The following DCAF8L2 variants were observed in gnomAD, a reference collection of about 807,000 sequenced individuals.
DCAF8L2 encodes DDB1 and CUL4 associated factor 8 like 2, also known as DDB1- and CUL4-associated factor 8-like protein 2.
For synonymous variants in DCAF8L2, 200 were observed against 190.9 expected (o/e 1.05, Z -0.39); for missense variants, 430 against 490.7 (o/e 0.88, Z 1.17).
At chrX:27,581,174 C>T in the DCAF8L2 span, among the ~76,000 whole-genome samples, 2 of 111,971 alleles carry the variant, frequency 1.8e-5, no homozygotes, top group African/African-American at 6.5e-5. Flanking sequence ...CAGTTCTATA[C>T]AGCCATAATT....
At chrX:27,575,302 T>A in the DCAF8L2 span, among the ~76,000 whole-genome samples, 6 of 111,664 alleles carry the variant, frequency 5.4e-5, no homozygotes, top group Non-Finnish European at 7.5e-5. Flanking sequence ...TCTCGATGTC[T>A]GGCCACCTGT....
upstream of DCAF8L2, among the ~76,000 whole-genome samples, chrX:27,588,166 T>G (rs1925949275): frequency 9.2e-6 from 1 of 108,363 alleles, no homozygotes; most frequent in Non-Finnish European, 1.9e-5. Flanking sequence ...CCTTGCTCCC[T>G]CGGTCCCCAG....
chrX:27,607,293 A>G (rs1926952866), intron 1 of DCAF8L2, among the ~76,000 whole-genome samples: 1 of 112,125 alleles, frequency 8.9e-6, no homozygotes, highest in Non-Finnish European at 1.9e-5. Context: ...TGTCTTGGAT[A>G]AAAGCAAACT....
chrX:27,476,485 A>G, the DCAF8L2 span, among the ~76,000 whole-genome samples: 1 of 111,821 alleles, frequency 8.9e-6, no homozygotes, highest in Admixed American at 9.6e-5. Flanking sequence ...TTTCAATTAG[A>G]AAAGGGCATA....
At chrX:27,605,951 A>G (rs890337597) in intron 1 of DCAF8L2, among the ~76,000 whole-genome samples, 1 of 110,158 alleles carries the variant, frequency 9.1e-6, no homozygotes, top group African/African-American at 3.3e-5. Context: ...CTGATTTGGT[A>G]GAATTAACAC....
At chrX:27,516,454 TCACACACACA>T in the DCAF8L2 span, among the ~76,000 whole-genome samples, 11 of 97,451 alleles carry the variant, frequency 1.1e-4, no homozygotes, top group South Asian at 3.1e-3. Flanking sequence ...CATCTCTCTC[TCACACACACA>T]CACACACACA....
chrX:27,650,799 CTGAT>C (rs1462653979), intron 2 of DCAF8L2, among the ~76,000 whole-genome samples: 1 of 111,207 alleles, frequency 9.0e-6, no homozygotes, highest in African/African-American at 3.3e-5. Flanking sequence ...TTTCTCTTGA[CTGAT>C]TGTTCTGTCA....
intron 2 of DCAF8L2, among the ~76,000 whole-genome samples, chrX:27,660,466 G>T (rs1193507105): frequency 8.9e-6 from 1 of 111,752 alleles, no homozygotes; most frequent in Non-Finnish European, 1.9e-5. Flanking sequence ...TTGGCTCTGG[G>T]TTCTAGTGCC....
intron 3 of DCAF8L2, among the ~76,000 whole-genome samples, chrX:27,693,236 A>G (rs1171248469): frequency 4.5e-5 from 5 of 111,416 alleles, no homozygotes; most frequent in Non-Finnish European, 7.5e-5. Context: ...CATCAATAAA[A>G]CTGTGGAGCT....
At chrX:27,644,683 G>A (rs1294513670) in intron 2 of DCAF8L2, among the ~76,000 whole-genome samples, 1 of 112,095 alleles carries the variant, frequency 8.9e-6, no homozygotes, top group Admixed American at 9.5e-5. Flanking sequence ...ATTTAGGGCA[G>A]CTGATTCTAC....
chrX:27,622,411 C>T (rs1927818931), intron 1 of DCAF8L2, among the ~76,000 whole-genome samples: 2 of 108,037 alleles, frequency 1.9e-5, no homozygotes, highest in East Asian at 2.9e-4. Flanking sequence ...GGCGACTGAG[C>T]GAGACTCCAT....
chrX:27,493,188 TTGTGATCA>T, the DCAF8L2 span, among the ~76,000 whole-genome samples: 1 of 111,039 alleles, frequency 9.0e-6, no homozygotes, highest in Non-Finnish European at 1.9e-5. Flanking sequence ...CTGCAGTGAG[TTGTGATCA>T]CACCACTGCA....
intron 2 of DCAF8L2, among the ~76,000 whole-genome samples, chrX:27,669,041 T>A (rs181247943): frequency 9.0e-6 from 1 of 110,668 alleles, no homozygotes; most frequent in East Asian, 2.8e-4. Context: ...TGCACACAGA[T>A]AGTAAAGAGG....
intron 1 of DCAF8L2, among the ~76,000 whole-genome samples, chrX:27,621,958 A>G (rs943742510): frequency 9.1e-5 from 10 of 110,331 alleles, no homozygotes; most frequent in Non-Finnish European, 1.1e-4. Flanking sequence ...GCACCATGCA[A>G]TCCAGCCTGG....
chrX:27,660,832 T>A (rs1253150696), intron 2 of DCAF8L2, among the ~76,000 whole-genome samples: 1 of 112,282 alleles, frequency 8.9e-6, no homozygotes, highest in Non-Finnish European at 1.9e-5. Context: ...GCAGCCTCCC[T>A]GATGTGCCAA....
the DCAF8L2 span, among the ~76,000 whole-genome samples, chrX:27,543,182 C>T: frequency 1.8e-5 from 2 of 112,111 alleles, no homozygotes; most frequent in South Asian, 7.3e-4. Flanking sequence ...AGGAAGGGAT[C>T]AAGTTTCAGT....
At chrX:27,505,848 C>A in the DCAF8L2 span, among the ~76,000 whole-genome samples, 4 of 112,006 alleles carry the variant, frequency 3.6e-5, no homozygotes, top group African/African-American at 1.3e-4. Flanking sequence ...GTCAGGGAAA[C>A]AATAATTGTG....
chrX:27,519,844 A>G, the DCAF8L2 span: 1 of 335,891 alleles, frequency 3.0e-6, no homozygotes, highest in Non-Finnish European at 5.2e-6. Flanking sequence ...TCAAAAAATA[A>G]TGAAAAAGGA....
chrX:27,547,828 T>G, the DCAF8L2 span, among the ~76,000 whole-genome samples: 1 of 99,137 alleles, frequency 1.0e-5, no homozygotes, highest in African/African-American at 4.0e-5. Flanking sequence ...TTGCTCTCTC[T>G]CTCTCTCTCT....
Sources: allele counts gnomAD v4.1 joint callset (sites outside exome capture counted in the v4.1 genomes callset), GRCh38; gene constraint gnomAD v4.1.1; transcripts MANE v1.5; gene names NCBI Gene and HGNC (gene_info 2026-07-23, HGNC 2026-07-21).